SLC9A9: variants seen among roughly 807,000 people sequenced by gnomAD.
SLC9A9 encodes the protein solute carrier family 9 member A9.
In SLC9A9, 62 loss-of-function variants were observed where a neutral mutation model predicts 77.8. The observed-to-expected ratio is 0.80, with a 90% confidence interval of 0.65 to 0.98. SLC9A9 has a LOEUF of 0.98. SLC9A9 is among the 50% of genes least tolerant of loss of function. The probability of loss-of-function intolerance (pLI) is 0.00; values close to 1 mark genes in which losing one functional copy is unlikely to be tolerated. For synonymous variants in SLC9A9, 320 were observed against 283.5 expected (o/e 1.13, Z -1.29); for missense variants, 775 against 774.9 (o/e 1.00, Z 0.00).
At chr3:143,509,472 C>T (rs892149484) in intron 9 of SLC9A9, among the ~76,000 whole-genome samples, 2 of 152,070 alleles carry the variant, frequency 1.3e-5, no homozygotes, top group Non-Finnish European at 2.9e-5. Flanking sequence ...CTCTGTAAAG[C>T]CTCTGTGTTG....
intron 4 of SLC9A9, among the ~76,000 whole-genome samples, chr3:143,774,163 G>C (rs573908313): frequency 6.6e-6 from 1 of 152,234 alleles, no homozygotes; most frequent in African/African-American, 2.4e-5. Flanking sequence ...CTACTACGTA[G>C]CATCCATATA....
At chr3:143,621,010 G>A (rs564422644) in intron 6 of SLC9A9, among the ~76,000 whole-genome samples, 5 of 152,256 alleles carry the variant, frequency 3.3e-5, no homozygotes, top group South Asian at 2.1e-4. Context: ...ATGGAGCCTC[G>A]CTCATTGCTA....
At chr3:143,327,007 C>T (rs1365235415) in intron 14 of SLC9A9, among the ~76,000 whole-genome samples, 1 of 152,148 alleles carries the variant, frequency 6.6e-6, no homozygotes, top group Non-Finnish European at 1.5e-5. Flanking sequence ...GGAGTATATA[C>T]ACTCAAAGAT....
chr3:143,660,033 T>C (rs1056907708), intron 5 of SLC9A9, among the ~76,000 whole-genome samples: 2 of 152,200 alleles, frequency 1.3e-5, no homozygotes, highest in Non-Finnish European at 2.9e-5. Flanking sequence ...TCCACCATGA[T>C]TGTGAGGCCT....
intron 11 of SLC9A9, among the ~76,000 whole-genome samples, chr3:143,472,609 T>A (rs1315362431): frequency 6.6e-6 from 1 of 152,198 alleles, no homozygotes; most frequent in African/African-American, 2.4e-5. Flanking sequence ...AATCCCTGTT[T>A]GCCCTATCAG....
intron 4 of SLC9A9, among the ~76,000 whole-genome samples, chr3:143,751,832 A>G (rs1310664868): frequency 6.6e-6 from 1 of 152,246 alleles, no homozygotes; most frequent in African/African-American, 2.4e-5. Context: ...AGGGAGAAGC[A>G]GACCACAGCG....
At chr3:143,441,661 G>C (rs190555729) in intron 12 of SLC9A9, among the ~76,000 whole-genome samples, 1 of 151,872 alleles carries the variant, frequency 6.6e-6, no homozygotes, top group Admixed American at 6.5e-5. Flanking sequence ...TCAATGCAGA[G>C]TTATATTGAA....
intron 9 of SLC9A9, among the ~76,000 whole-genome samples, chr3:143,520,151 T>C (rs903799913): frequency 2.0e-5 from 3 of 152,228 alleles, no homozygotes; most frequent in African/African-American, 7.2e-5. Flanking sequence ...CATCCTATAG[T>C]CATAATTGCT....
intron 4 of SLC9A9, among the ~76,000 whole-genome samples, chr3:143,788,720 T>TGA (rs2008131071): frequency 2.0e-5 from 3 of 147,322 alleles, no homozygotes; most frequent in Non-Finnish European, 3.0e-5. Context: ...ACATCATCTC[T>TGA]GATGATGTAT....
chr3:143,777,085 C>A (rs1447711685), intron 4 of SLC9A9, among the ~76,000 whole-genome samples: 2 of 152,100 alleles, frequency 1.3e-5, no homozygotes, highest in African/African-American at 4.8e-5. Context: ...TTTGTGGCCT[C>A]TTCTCTGACC....
chr3:143,407,430 T>C (rs1157896071), intron 12 of SLC9A9, among the ~76,000 whole-genome samples: 1 of 152,134 alleles, frequency 6.6e-6, no homozygotes, highest in Non-Finnish European at 1.5e-5. Context: ...GCATCTGTAA[T>C]ACAATTCTAA....
At position 143,552,396 on chromosome 3, in the gene SLC9A9, T is replaced by C. The variant is rs1311275423; in HGVS notation, c.1055A>G (p.Asn352Ser). 2 of 1,612,832 alleles carry C rather than the reference T, an allele frequency of 1.2e-6. No individual in the cohort carries two copies. The highest frequency in any genetic ancestry group is 3.3e-5 in the Admixed American group (2 of 59,936). Residue 352 changes from asparagine (N) to serine (S), a missense_variant, in exon 9 of 16, where the codon AAT becomes AGT. Coordinates refer to ENST00000316549, the MANE Select transcript of SLC9A9 (RefSeq NM_173653.4). The part of the protein sequence containing the change: ...GVTQAHYTYN[N>S]LSSDSKIRTK... ...TCTTATTTTGGAATCCGAAGACAGA[T>C]TGTTGTAGGTATAATGTGCTTGTGT...
intron 12 of SLC9A9, among the ~76,000 whole-genome samples, chr3:143,431,038 C>G (rs908879262): frequency 6.6e-6 from 1 of 152,166 alleles, no homozygotes; most frequent in Non-Finnish European, 1.5e-5. Context: ...TTTCCTAATA[C>G]ATGAGAAAAA....
At chr3:143,556,412 G>A (rs2036984346) in intron 8 of SLC9A9, among the ~76,000 whole-genome samples, 1 of 152,216 alleles carries the variant, frequency 6.6e-6, no homozygotes, top group Non-Finnish European at 1.5e-5. Context: ...GATCCTGCCA[G>A]TATGAAGTGC....
chr3:143,577,539 T>C (rs1028797813), intron 7 of SLC9A9, among the ~76,000 whole-genome samples: 1 of 152,224 alleles, frequency 6.6e-6, no homozygotes. Context: ...TACAGTGTGA[T>C]AACTTCGATG....
intron 5 of SLC9A9, among the ~76,000 whole-genome samples, chr3:143,655,209 C>G (rs1187232788): frequency 6.6e-6 from 1 of 152,226 alleles, no homozygotes; most frequent in Admixed American, 6.5e-5. Context: ...AGGGCTCAAT[C>G]TTACACGCAA....
intron 14 of SLC9A9, among the ~76,000 whole-genome samples, chr3:143,358,397 C>T (rs1248705942): frequency 5.9e-5 from 9 of 152,172 alleles, no homozygotes; most frequent in African/African-American, 1.9e-4. Flanking sequence ...TTTCTTTACA[C>T]TTATAAAATG....
intron 4 of SLC9A9, among the ~76,000 whole-genome samples, chr3:143,779,409 T>C (rs2007799853): frequency 6.6e-6 from 1 of 152,224 alleles, no homozygotes. Flanking sequence ...TTTTGTTTTG[T>C]TGCCCAGGCT....
chr3:143,494,985 A>G (rs919008649), intron 10 of SLC9A9, among the ~76,000 whole-genome samples: 1 of 152,248 alleles, frequency 6.6e-6, no homozygotes, highest in African/African-American at 2.4e-5. Flanking sequence ...ACTCTAATGC[A>G]GATTAAGTCT....
Sources: gnomAD v4.1 joint callset for allele counts (sites outside exome capture counted in the v4.1 genomes callset) on GRCh38, gnomAD v4.1.1 for gene constraint, MANE v1.5 for transcripts, NCBI Gene and HGNC (gene_info 2026-07-23, HGNC 2026-07-21) for gene names.